The following EXOC4 variants were observed in gnomAD, a reference collection of about 807,000 sequenced individuals.
EXOC4 encodes SEC8-like 1.
EXOC4 carries 71 observed loss-of-function variants against 107.2 expected under a neutral mutation model. The ratio of observed to expected loss-of-function variants is 0.66; its 90% CI spans 0.55 to 0.81. The LOEUF (loss-of-function observed/expected upper bound fraction) is 0.81, where lower values mean the gene tolerates loss of function less well. Ranked by LOEUF, EXOC4 falls within the 30% of genes least tolerant of loss-of-function variation. The pLI is 0.00. For synonymous variants in EXOC4, 456 were observed against 441.2 expected, an observed-to-expected ratio of 1.03 and a Z score of -0.42; for missense variants, 1,108 against 1,189.6, an observed-to-expected ratio of 0.93 and a Z score of 1.01.
intron 10 of EXOC4, among the ~76,000 whole-genome samples, chr7:133,810,562 A>G (rs1797196929): frequency 6.6e-6 from 1 of 151,248 alleles, no homozygotes; most frequent in African/African-American, 2.4e-5. Flanking sequence ...ATATTTATAA[A>G]TGTTAGAATT....
intron 9 of EXOC4, among the ~76,000 whole-genome samples, chr7:133,567,186 C>T (rs529595847): frequency 6.6e-6 from 1 of 152,156 alleles, no homozygotes; most frequent in East Asian, 1.9e-4. Flanking sequence ...TTACCTTTCC[C>T]ACAGGTTAAT....
chr7:133,446,053 A>G (rs982255041), intron 7 of EXOC4, among the ~76,000 whole-genome samples: 3 of 150,182 alleles, frequency 2.0e-5, no homozygotes, highest in South Asian at 4.2e-4. Flanking sequence ...CAACCAGGAT[A>G]CTTCTAATGA....
intron 15 of EXOC4, among the ~76,000 whole-genome samples, chr7:134,000,947 A>G (rs921656595): frequency 2.0e-5 from 3 of 152,302 alleles, no homozygotes; most frequent in Middle Eastern, 3.4e-3. Flanking sequence ...TTTTTCTTTG[A>G]CATTGTTAAA....
intron 5 of EXOC4, among the ~76,000 whole-genome samples, chr7:133,351,281 T>C (rs568916499): frequency 1.7e-3 from 257 of 152,162 alleles, no homozygotes; most frequent in Non-Finnish European, 3.0e-3. Flanking sequence ...TTGGTTTTCT[T>C]TAAATGTTTG....
At chr7:133,907,813 A>AG (rs1799602239) in intron 12 of EXOC4, among the ~76,000 whole-genome samples, 1 of 151,660 alleles carries the variant, frequency 6.6e-6, no homozygotes, top group Non-Finnish European at 1.5e-5. Flanking sequence ...AAGAGAGAGA[A>AG]GAAGGAGGAG....
intron 7 of EXOC4, among the ~76,000 whole-genome samples, chr7:133,386,176 C>T (rs1406474896): frequency 6.6e-6 from 1 of 152,142 alleles, no homozygotes; most frequent in African/African-American, 2.4e-5. Context: ...TGAGATTGGT[C>T]TAAGCCTTTG....
At chr7:133,801,716 G>A (rs1300887596) in intron 10 of EXOC4, among the ~76,000 whole-genome samples, 1 of 152,206 alleles carries the variant, frequency 6.6e-6, no homozygotes, top group Non-Finnish European at 1.5e-5. Context: ...GGCAAAAGAT[G>A]CTCAGCCTAC....
chr7:133,483,701 A>G (rs1477477915), intron 9 of EXOC4, among the ~76,000 whole-genome samples: 1 of 152,244 alleles, frequency 6.6e-6, no homozygotes, highest in Non-Finnish European at 1.5e-5. Flanking sequence ...AGAATAAATC[A>G]GTGGACCAGT....
chr7:133,338,748 CT>C (rs67620822), intron 5 of EXOC4, among the ~76,000 whole-genome samples: 38,784 of 85,712 alleles, frequency 0.45, 8,139 homozygotes, highest in East Asian at 0.67. Flanking sequence ...ATGGTGTAGT[CT>C]TTTTTTTTTT....
intron 7 of EXOC4, among the ~76,000 whole-genome samples, chr7:133,415,561 T>G (rs766496048): frequency 1.3e-5 from 2 of 152,144 alleles, no homozygotes; most frequent in Non-Finnish European, 2.9e-5. Flanking sequence ...GTATATAGAT[T>G]TGTAAAGCAT....
At chr7:133,855,309 A>C (rs1798352024) in intron 11 of EXOC4, among the ~76,000 whole-genome samples, 5 of 151,260 alleles carry the variant, frequency 3.3e-5, no homozygotes. Context: ...TCTAAACCAG[A>C]AAACGAACTT....
At chr7:133,712,903 A>G (rs1270395740) in intron 10 of EXOC4, among the ~76,000 whole-genome samples, 2 of 152,220 alleles carry the variant, frequency 1.3e-5, no homozygotes, top group East Asian at 1.9e-4. Context: ...TCCAGAATGG[A>G]TAATTTTATA....
chr7:133,937,408 C>G (rs1240634701), intron 13 of EXOC4, among the ~76,000 whole-genome samples: 1 of 152,188 alleles, frequency 6.6e-6, no homozygotes, highest in African/African-American at 2.4e-5. Context: ...TCAGTTGTAA[C>G]CTCCTCTTTT....
intron 9 of EXOC4, among the ~76,000 whole-genome samples, chr7:133,560,296 A>T (rs990053460): frequency 4.6e-5 from 7 of 151,688 alleles, no homozygotes; most frequent in Admixed American, 4.6e-4. Context: ...TTATTTATTT[A>T]TTTTTTTAGA....
chr7:134,084,290 T>G, the EXOC4 span, among the ~76,000 whole-genome samples: 1 of 152,210 alleles, frequency 6.6e-6, no homozygotes, highest in African/African-American at 2.4e-5. Context: ...TCATTGAGAC[T>G]TCCTTATTTT....
intron 9 of EXOC4, among the ~76,000 whole-genome samples, chr7:133,546,241 A>G (rs1315838591): frequency 6.8e-6 from 1 of 147,308 alleles, no homozygotes; most frequent in Non-Finnish European, 1.5e-5. Context: ...CCTTTTTATA[A>G]TAGCTGGAAA....
intron 10 of EXOC4, among the ~76,000 whole-genome samples, chr7:133,807,428 G>C (rs1403550753): frequency 6.6e-6 from 1 of 152,178 alleles, no homozygotes; most frequent in African/African-American, 2.4e-5. Flanking sequence ...AAATTTGCCA[G>C]ATTCTCCTGT....
intron 14 of EXOC4, among the ~76,000 whole-genome samples, chr7:133,987,255 GT>G (rs1307367618): frequency 6.6e-6 from 1 of 152,092 alleles, no homozygotes; most frequent in Admixed American, 6.6e-5. Context: ...GACCCCAAGA[GT>G]TTGAGACCAG....
At chr7:133,404,038 C>G (rs773083767) in intron 7 of EXOC4, among the ~76,000 whole-genome samples, 22 of 152,162 alleles carry the variant, frequency 1.4e-4, no homozygotes, top group Non-Finnish European at 3.2e-4. Flanking sequence ...TGGCCCTATT[C>G]TGATATATTC....
Sources: allele counts gnomAD v4.1 joint callset (sites outside exome capture counted in the v4.1 genomes callset), GRCh38; gene constraint gnomAD v4.1.1; transcripts MANE v1.5; gene names NCBI Gene and HGNC (gene_info 2026-07-23, HGNC 2026-07-21).